The following NFATC1 variants were observed in gnomAD, a reference collection of about 807,000 sequenced individuals.
NFATC1 encodes nuclear factor of activated T-cells, cytoplasmic 1.
In NFATC1, 22 loss-of-function variants were observed where a neutral mutation model predicts 76.0. That is an observed-to-expected ratio of 0.29 (90% CI 0.21 to 0.41). The LOEUF (loss-of-function observed/expected upper bound fraction) is 0.41. NFATC1 is among the 10% of genes least tolerant of loss of function. NFATC1 has a pLI of 1.00. For synonymous variants in NFATC1, 704 were observed against 613.1 expected (o/e 1.15, Z -2.19); for missense variants, 1,357 against 1,337.7 (o/e 1.01, Z -0.23).
At chr18:79,414,051 A>G (rs2085792107) in intron 2 of NFATC1, among the ~76,000 whole-genome samples, 1 of 152,082 alleles carries the variant, frequency 6.6e-6, no homozygotes, top group African/African-American at 2.4e-5. Flanking sequence ...CCACATCAAA[A>G]TATGTTTCCT....
In NFATC1 at chr18:79,450,938, C is replaced by G. The variant is rs536490862; in HGVS notation, c.1590-16C>G. 1.9e-6 allele frequency: 3 copies of G among 1,605,962 alleles called. No individual in the cohort carries two copies. The highest frequency in any genetic ancestry group is 2.6e-6 in the Non-Finnish European group (3 of 1,174,284). On this transcript the variant is annotated splice_polypyrimidine_tract_variant and intron_variant, in intron 4 of 9. Transcript: ENST00000427363. ...CAGCCATTGAAAGAAAAGCTGTGGG[C>G]TTTTGTTTTGGGCAGCATTGACTGT...
At chr18:79,401,794 C>T (rs978177875) in intron 1 of NFATC1, among the ~76,000 whole-genome samples, 8 of 152,256 alleles carry the variant, frequency 5.3e-5, no homozygotes, top group Admixed American at 3.9e-4. Flanking sequence ...GGTGGGACCT[C>T]CCAGTACACC....
At chr18:79,440,911 G>C (rs1309317445) in intron 3 of NFATC1, among the ~76,000 whole-genome samples, 1 of 152,326 alleles carries the variant, frequency 6.6e-6, no homozygotes, top group East Asian at 1.9e-4. Context: ...GCCCAGGCCA[G>C]ACGTGGGAGT....
rs1412186173 is a variant in NFATC1 at position 79,473,533 on chromosome 18, GCTCA to G, written c.2092+5954_2092+5957del. Among the ~76,000 whole-genome samples the G allele has an allele frequency of 1.6e-4, 23 of 146,202 alleles. 1 individual carries two copies. The highest frequency in any genetic ancestry group is 4.0e-4 in the East Asian group (2 of 5,028). ...AAACCTGAGGGAAGCGTGTTCTCGC[GCTCA>G]CTGTCGACGTAAACCTGAGGGAAGC... On this transcript the variant is annotated intron_variant, in intron 8 of 9. Coordinates refer to ENST00000427363, the MANE Select transcript of NFATC1 (RefSeq NM_001278669.2).
intron 8 of NFATC1, among the ~76,000 whole-genome samples, chr18:79,475,783 A>G (rs2089042351): frequency 1.3e-5 from 2 of 152,250 alleles, no homozygotes; most frequent in South Asian, 4.1e-4. Context: ...GTGCTCGCCA[A>G]AACCACCCCC....
intron 6 of NFATC1, among the ~76,000 whole-genome samples, chr18:79,458,755 G>C (rs1264094136): frequency 6.6e-6 from 1 of 152,236 alleles, no homozygotes; most frequent in African/African-American, 2.4e-5. Flanking sequence ...CTGCCCGTCC[G>C]GGCCTCCACG....
Position 79,432,296 on chromosome 18 carries a change from GC to G in NFATC1, c.1227-1279del, listed in dbSNP as rs1451736375. ...CCCTGTGTGGAGGGTGACCTCAGGA[GC>G]CCCGGCCCACGGTGCTCGGGGTGAG... is the stretch of plus-strand genomic sequence containing the variant. On this transcript the variant is annotated intron_variant, in intron 2 of 9. Transcript: ENST00000427363. 5.7e-5 allele frequency among the ~76,000 whole-genome samples: 4 copies of G among 70,174 alleles called. No individual in the cohort carries two copies. In the Admixed American group the frequency reaches 6.6e-4, roughly 12 times the overall value. The allele number at this position is 70,174 out of a possible 152,430, so 46.0% of individuals were successfully genotyped here. A position where few individuals can be genotyped will look rare whatever the true frequency, so the allele number is the denominator to read the frequency against.
chr18:79,486,697 TCTC>T lies in NFATC1; in HGVS notation c.2547_2549del (p.Pro850del). ...ACACTCGCTCTGCCCCAGCAGCCCC[TCTC>T]CTCCACTCCCGCCTGCCACCCAAGA... On this transcript the variant is annotated inframe_deletion, in exon 9 of 10. Coordinates refer to ENST00000427363, the MANE Select transcript of NFATC1 (RefSeq NM_001278669.2). 38 of 1,598,498 alleles carry T rather than the reference TCTC, an allele frequency of 2.4e-5. No individual in the cohort carries two copies. Among genetic ancestry groups the T allele is most frequent in the Non-Finnish European group, 3.2e-5 (38 of 1,175,026 alleles).
intron 9 of NFATC1, among the ~76,000 whole-genome samples, chr18:79,501,461 C>T (rs1362988869): frequency 4.6e-5 from 7 of 152,190 alleles, no homozygotes; most frequent in Non-Finnish European, 1.0e-4. Context: ...GCTACTCAGC[C>T]TTGTACTGGA....
At position 79,396,371 on chromosome 18, in the gene NFATC1, C is replaced by G. The variant is rs1246124108; in HGVS notation, c.127+20C>G. ...AGGAAGGTAAGCCCCGCGCGGCCTC[C>G]GCCCCCGGACCCCTGCGCCCCCCAC... On this transcript the variant is annotated intron_variant, in intron 1 of 9. Transcript: ENST00000427363. The G allele has an allele frequency of 3.9e-6, 5 of 1,288,870 alleles. No homozygotes were observed. The highest frequency in any genetic ancestry group is 5.0e-6 in the Non-Finnish European group (5 of 1,003,334). 79.8% of individuals were successfully genotyped at this position (1,288,870 alleles called of 1,614,324 possible). A position where few individuals can be genotyped will look rare whatever the true frequency, so the allele number is the denominator to read the frequency against.
intron 8 of NFATC1, among the ~76,000 whole-genome samples, chr18:79,479,929 C>T (rs745588876): frequency 6.6e-6 from 1 of 152,320 alleles, no homozygotes; most frequent in Admixed American, 6.5e-5. Context: ...AGAAACCATC[C>T]GGCCAACCCC....
At chr18:79,453,583 A>G (rs982879479) in intron 6 of NFATC1, among the ~76,000 whole-genome samples, 1 of 152,188 alleles carries the variant, frequency 6.6e-6, no homozygotes, top group Non-Finnish European at 1.5e-5. Flanking sequence ...TGCCACAGCC[A>G]CACTTCTGGG....
At position 79,423,258 on chromosome 18, in the gene NFATC1, C is replaced by T. The variant is rs1019115921; in HGVS notation, c.1227-10321C>T. Among the ~76,000 whole-genome samples the T allele has an allele frequency of 3.3e-5, 5 of 152,222 alleles. No individual in the cohort carries two copies. The East Asian group carries it at 9.6e-4, about 29-fold the overall frequency. On this transcript the variant is annotated intron_variant, in intron 2 of 9. Transcript: ENST00000427363. ...CCTTTAAAACAAAACCTCTGCACTC[C>T]GGCCTCACAGCCCAGATCCCGCGCG...
In NFATC1 at chr18:79,410,243, C is replaced by T. The variant is rs565655030; in HGVS notation, c.128-160C>T. ...ACTGGGGCTGTCACTCCAAGTCGCC[C>T]GGAGCTGTCCGGCAGCGTGGTCTCA... On this transcript the variant is annotated intron_variant, in intron 1 of 9. Coordinates refer to ENST00000427363, the MANE Select transcript of NFATC1 (RefSeq NM_001278669.2). The surrounding 1 kb of genome is among the most constrained non-coding windows in gnomAD (Gnocchi z 6.7). 2.1e-5 allele frequency: 26 copies of T among 1,224,710 alleles called. No individual in the cohort carries two copies. Among genetic ancestry groups the T allele is most frequent in the East Asian group, 7.0e-5 (3 of 42,670 alleles). The allele number at this position is 1,224,710 out of a possible 1,614,324, so 75.9% of individuals were successfully genotyped here.
At chr18:79,468,448 A>G (rs979983743) in intron 8 of NFATC1, 3 of 152,158 alleles carry the variant, frequency 2.0e-5, no homozygotes, top group Non-Finnish European at 2.9e-5. Flanking sequence ...ATTTTACTGT[A>G]TTTTGGGTAA....
In NFATC1 at chr18:79,494,278, C is replaced by T. The variant is rs1404429646; in HGVS notation, c.2782+7341C>T. ...GCACACGCCCCCCATGAACCTGGTA[C>T]CGCCGGGGGAAGGCGAGAGCGGGCA... is the stretch of plus-strand genomic sequence containing the variant. On this transcript the variant is annotated intron_variant, in intron 9 of 9. Coordinates refer to ENST00000427363, the MANE Select transcript of NFATC1 (RefSeq NM_001278669.2). 1.4e-3 allele frequency among the ~76,000 whole-genome samples: 196 copies of T among 135,404 alleles called. 1 individual carries two copies. The highest frequency in any genetic ancestry group is 4.0e-3 in the African/African-American group (151 of 37,772). 88.8% of individuals were successfully genotyped at this position (135,404 alleles called of 152,430 possible). A position where few individuals can be genotyped will look rare whatever the true frequency, so the allele number is the denominator to read the frequency against.
intron 1 of NFATC1, among the ~76,000 whole-genome samples, chr18:79,408,975 TCCATCATCAAA>T (rs2085540320): frequency 7.9e-6 from 1 of 126,040 alleles, no homozygotes; most frequent in Admixed American, 7.8e-5. Context: ...TCATCATCCA[TCCATCATCAAA>T]CCATTATTCC....
At chr18:79,504,011 G>T (rs1300014988) in intron 9 of NFATC1, among the ~76,000 whole-genome samples, 1 of 152,196 alleles carries the variant, frequency 6.6e-6, no homozygotes, top group Non-Finnish European at 1.5e-5. Context: ...GAGGGTCTTG[G>T]TCTGGATTAG....
chr18:79,433,770 T>A, intron 3 of NFATC1, 32 bp downstream of exon 3: 1 of 1,590,046 alleles, frequency 6.3e-7, no homozygotes, highest in Non-Finnish European at 8.6e-7. Flanking sequence ...GCACGTCACT[T>A]GGTGCTTTTG....
Sources: gnomAD v4.1 joint callset for allele counts (sites outside exome capture counted in the v4.1 genomes callset) on GRCh38, gnomAD v4.1.1 for gene constraint, Gnocchi (gnomAD v3.1) non-coding constraint, MANE v1.5 for transcripts, NCBI Gene and HGNC (gene_info 2026-07-23, HGNC 2026-07-21) for gene names.